FER: variants seen among roughly 807,000 people sequenced by gnomAD.
The protein encoded by FER is FER tyrosine kinase.
A neutral mutation model predicts 111.0 loss-of-function variants in FER; 63 were observed. The ratio of observed to expected loss-of-function variants is 0.57; its 90% CI spans 0.46 to 0.70. The LOEUF is 0.70. Among genes scored for constraint, FER ranks in the 30% least tolerant of loss-of-function variants. The pLI, the probability that FER is intolerant of heterozygous loss-of-function variation, is 0.00. For synonymous variants in FER, 327 were observed against 313.9 expected (o/e 1.04, Z -0.44); for missense variants, 914 against 954.0 (o/e 0.96, Z 0.55).
At chr5:108,804,792 T>C (rs985177347) in intron 3 of FER, among the ~76,000 whole-genome samples, 3 of 152,180 alleles carry the variant, frequency 2.0e-5, no homozygotes, top group African/African-American at 7.2e-5. Flanking sequence ...GATATTGACC[T>C]GCAGTTTTCT....
intron 17 of FER, among the ~76,000 whole-genome samples, chr5:109,146,253 A>ATATATATATATAT (rs1491409370): frequency 2.1e-4 from 9 of 42,126 alleles, no homozygotes; most frequent in African/African-American, 6.4e-4. Context: ...TAATCTATCT[A>ATATATATATATAT]ATATATATAT....
rs150973699 is a variant in FER at position 109,052,683 on chromosome 5, G to A, written c.1924+5485G>A. On this transcript the variant is annotated intron_variant, in intron 16 of 19. Transcript: ENST00000281092. ...CTACTCTCTACTTTTAAAAGGGCTT[G>A]TATGATTAGATCAGGCACACCTGGA... 3.8e-3 allele frequency among the ~76,000 whole-genome samples: 584 copies of A among 152,290 alleles called. 4 individuals are homozygous for A. Among genetic ancestry groups the A allele is most frequent in the Middle Eastern group, 6.8e-3 (2 of 294 alleles).
At chr5:108,992,076 CTCTTAACGAGCATGCTGCCT>C (rs1260386328) in intron 13 of FER, among the ~76,000 whole-genome samples, 5 of 151,982 alleles carry the variant, frequency 3.3e-5, no homozygotes, top group African/African-American at 1.2e-4. Flanking sequence ...GTGGTGATGA[CTCTTAACGAGCATGCTGCCT>C]TCAAGCATCT....
intron 3 of FER, among the ~76,000 whole-genome samples, chr5:108,805,118 A>G (rs1344443482): frequency 1.3e-5 from 2 of 151,886 alleles, no homozygotes; most frequent in Non-Finnish European, 2.9e-5. Context: ...CAATTCCCAC[A>G]TGTTGTGGGA....
At chr5:109,064,816 A>T (rs536293902) in intron 16 of FER, among the ~76,000 whole-genome samples, 3 of 152,296 alleles carry the variant, frequency 2.0e-5, no homozygotes, top group African/African-American at 7.2e-5. Context: ...AGTTATGAAT[A>T]CATATGTATC....
intron 16 of FER, among the ~76,000 whole-genome samples, chr5:109,074,563 G>A (rs1010083728): frequency 1.3e-5 from 2 of 152,096 alleles, no homozygotes; most frequent in African/African-American, 4.8e-5. Context: ...CATATACTTG[G>A]AGTTCCACTC....
At chr5:108,996,715 T>A (rs761720966) in intron 13 of FER, among the ~76,000 whole-genome samples, 1 of 152,184 alleles carries the variant, frequency 6.6e-6, no homozygotes, top group East Asian at 1.9e-4. Context: ...GCATTGTTCT[T>A]TTTTGCTAGG....
intron 10 of FER, among the ~76,000 whole-genome samples, chr5:108,928,336 A>G (rs180926495): frequency 6.6e-6 from 1 of 152,300 alleles, no homozygotes; most frequent in Non-Finnish European, 1.5e-5. Flanking sequence ...TTCTGATGGA[A>G]TTCTTAGGAA....
At chr5:108,839,989 T>C (rs1027878717) in intron 5 of FER, among the ~76,000 whole-genome samples, 16 of 152,114 alleles carry the variant, frequency 1.1e-4, no homozygotes, top group African/African-American at 3.6e-4. Flanking sequence ...CAGCCTCTCA[T>C]TTTATTTTTT....
chr5:108,766,687 T>C (rs1273502429), intron 1 of FER, among the ~76,000 whole-genome samples: 2 of 152,180 alleles, frequency 1.3e-5, no homozygotes, highest in African/African-American at 4.8e-5. Flanking sequence ...AGAGGAATAA[T>C]CTTGTTGGTA....
chr5:109,045,363 T>A (rs1046557380), intron 15 of FER, among the ~76,000 whole-genome samples: 2 of 151,958 alleles, frequency 1.3e-5, no homozygotes, highest in Non-Finnish European at 2.9e-5. Flanking sequence ...GTACAAAACA[T>A]GCATAAATTT....
chr5:108,928,062 G>A (rs1201191206), intron 10 of FER, among the ~76,000 whole-genome samples: 1 of 152,194 alleles, frequency 6.6e-6, no homozygotes, highest in Non-Finnish European at 1.5e-5. Context: ...AACTGAAAGA[G>A]TAGGTAAAAT....
intron 17 of FER, among the ~76,000 whole-genome samples, chr5:109,176,849 G>A (rs1313648083): frequency 6.6e-6 from 1 of 152,198 alleles, no homozygotes; most frequent in African/African-American, 2.4e-5. Context: ...AGTACACTTG[G>A]CCTGTGTGGA....
intron 16 of FER, among the ~76,000 whole-genome samples, chr5:109,080,497 A>G (rs1776864157): frequency 6.6e-6 from 1 of 152,152 alleles, no homozygotes; most frequent in South Asian, 2.1e-4. Context: ...TTTGATTTTC[A>G]GGTATCGGTG....
At chr5:108,984,171 G>A (rs1473220226) in intron 13 of FER, among the ~76,000 whole-genome samples, 1 of 149,100 alleles carries the variant, frequency 6.7e-6, no homozygotes, top group Non-Finnish European at 1.5e-5. Flanking sequence ...AAAAGTAAAA[G>A]ATCCCTAAAA....
chr5:108,848,953 T>A (rs1324405113), intron 5 of FER, among the ~76,000 whole-genome samples: 1 of 152,070 alleles, frequency 6.6e-6, no homozygotes, highest in East Asian at 1.9e-4. Context: ...TTTAAACAGA[T>A]TTTTACCTCT....
At chr5:108,887,467 G>A (rs1021977716) in intron 9 of FER, among the ~76,000 whole-genome samples, 1 of 151,544 alleles carries the variant, frequency 6.6e-6, no homozygotes, top group Non-Finnish European at 1.5e-5. Context: ...CAGAGTTCAA[G>A]CTTATATAAG....
In FER at chr5:109,190,053, A is replaced by T. The variant is rs997846891; in HGVS notation, c.*2478A>T. ...AGAATATTAAATTTAATATAGTCAC[A>T]TGCATTAAGAAAAACTTACGCAAAC... On this transcript the variant is annotated 3_prime_UTR_variant, in exon 20 of 20. Transcript: ENST00000281092. The T allele has an allele frequency of 6.6e-6, 1 of 152,188 alleles. No homozygotes were observed. The highest frequency in any genetic ancestry group is 2.4e-5 in the African/African-American group (1 of 41,450). The allele number at this position is 152,188 out of a possible 1,614,324, so 9.4% of individuals were successfully genotyped here. A position where few individuals can be genotyped will look rare whatever the true frequency, so the allele number is the denominator to read the frequency against.
chr5:109,062,339 C>A (rs1317673777), intron 16 of FER, among the ~76,000 whole-genome samples: 1 of 151,954 alleles, frequency 6.6e-6, no homozygotes, highest in African/African-American at 2.4e-5. Context: ...GCCTGCCCAA[C>A]AAAGCAAAAA....
Sources: gnomAD v4.1 joint callset for allele counts (sites outside exome capture counted in the v4.1 genomes callset) on GRCh38, gnomAD v4.1.1 for gene constraint, MANE v1.5 for transcripts, NCBI Gene and HGNC (gene_info 2026-07-23, HGNC 2026-07-21) for gene names.